RBFOX1: variants seen among roughly 807,000 people sequenced by gnomAD.
RBFOX1 encodes the protein RNA binding protein fox-1 homolog 1.
RBFOX1 carries 8 observed loss-of-function variants against 57.7 expected under a neutral mutation model. The observed-to-expected ratio is 0.14, with a 90% confidence interval of 0.08 to 0.25. RBFOX1 has a LOEUF of 0.25. Among genes scored for constraint, RBFOX1 ranks in the 10% least tolerant of loss-of-function variants. The pLI, the probability that RBFOX1 is intolerant of heterozygous loss-of-function variation, is 1.00. For missense variants in RBFOX1, 611 were observed against 548.5 expected, an observed-to-expected ratio of 1.11 and a Z score of -1.14; for synonymous variants, 326 against 222.4, an observed-to-expected ratio of 1.47 and a Z score of -4.15.
rs539862033 is a variant in RBFOX1, at chr16:6,893,099, C to G, written c.-15-158958C>G. 2.6e-5 allele frequency among the ~76,000 whole-genome samples: 4 copies of G among 152,128 alleles called. No homozygotes were observed. The South Asian group carries it at 8.3e-4, about 31-fold the overall frequency. On this transcript the variant is annotated intron_variant, in intron 3 of 15. Transcript: ENST00000550418. ...AGACTGCCCACCTCACCTGACCCTC[C>G]TAGATTCCATTCACAGGAGCTCACT...
At chr16:7,315,310 A>G (rs1182934273) in intron 4 of RBFOX1, among the ~76,000 whole-genome samples, 2 of 152,154 alleles carry the variant, frequency 1.3e-5, no homozygotes, top group African/African-American at 2.4e-5. Context: ...CTATGATAAA[A>G]TCTTGATTTT....
At chr16:6,343,159 C>T (rs1227167462) in intron 2 of RBFOX1, among the ~76,000 whole-genome samples, 1 of 152,158 alleles carries the variant, frequency 6.6e-6, no homozygotes, top group Non-Finnish European at 1.5e-5. Context: ...CTGTTCTTTT[C>T]ACAAAAGATA....
chr16:5,862,536 AG>A lies in RBFOX1; in HGVS notation c.319-4766del, dbSNP rs2057246967. 2.6e-5 allele frequency among the ~76,000 whole-genome samples: 4 copies of A among 152,334 alleles called. No individual in the cohort carries two copies. The East Asian group carries it at 7.7e-4, about 29-fold the overall frequency. Reference sequence around the variant, plus strand: ...AATGTCCAACCAGGGAATAGCAGACAGTCACCCACTGCGTGTCAGGGTTTTT... The same window carrying A: ...AATGTCCAACCAGGGAATAGCAGACATCACCCACTGCGTGTCAGGGTTTTT... On this transcript the variant is annotated intron_variant, in intron 3 of 19. Coordinates refer to the RBFOX1 transcript ENST00000641259.
At chr16:6,682,319 T>G (rs2058772870) in intron 3 of RBFOX1, among the ~76,000 whole-genome samples, 1 of 152,146 alleles carries the variant, frequency 6.6e-6, no homozygotes, top group African/African-American at 2.4e-5. Context: ...ATTTCCCAGC[T>G]GACCACTAGA....
chr16:6,493,009 A>G (rs972022701), intron 2 of RBFOX1, among the ~76,000 whole-genome samples: 1 of 152,180 alleles, frequency 6.6e-6, no homozygotes, highest in Non-Finnish European at 1.5e-5. Flanking sequence ...TGCTTTTAAG[A>G]TTACACCTTT....
intron 4 of RBFOX1, among the ~76,000 whole-genome samples, chr16:7,294,166 G>A (rs914010769): frequency 2.4e-4 from 36 of 152,064 alleles, no homozygotes; most frequent in African/African-American, 8.7e-4. Context: ...TCCCAAAGTA[G>A]ACCTTCCCAC....
At chr16:5,350,451 G>GT (rs2065237606) in intron 1 of RBFOX1, among the ~76,000 whole-genome samples, 1 of 152,172 alleles carries the variant, frequency 6.6e-6, no homozygotes, top group African/African-American at 2.4e-5. Flanking sequence ...CAGAGTGATG[G>GT]TTAACAGTGT....
intron 14 of RBFOX1, among the ~76,000 whole-genome samples, chr16:7,699,796 T>G (rs2080058963): frequency 1.3e-5 from 2 of 152,260 alleles, no homozygotes; most frequent in East Asian, 1.9e-4. Context: ...CTTGCATGTG[T>G]GGCTTTTATT....
At chr16:7,266,337 C>G (rs969583768) in intron 4 of RBFOX1, among the ~76,000 whole-genome samples, 42 of 152,258 alleles carry the variant, frequency 2.8e-4, no homozygotes, top group African/African-American at 9.4e-4. Flanking sequence ...CCTCTTGCTC[C>G]TGCTTTGGTC....
intron 1 of RBFOX1, among the ~76,000 whole-genome samples, chr16:5,432,845 G>A (rs955686543): frequency 5.5e-4 from 84 of 151,992 alleles, no homozygotes; most frequent in African/African-American, 2.0e-3. Flanking sequence ...GAGTGCAGTG[G>A]CGCAATCTCG....
intron 10 of RBFOX1, among the ~76,000 whole-genome samples, chr16:7,625,296 T>G (rs1039735849): frequency 3.9e-5 from 6 of 152,050 alleles, no homozygotes; most frequent in Non-Finnish European, 7.4e-5. Context: ...ATGGCGGGTA[T>G]TTGCATATCA....
intron 2 of RBFOX1, among the ~76,000 whole-genome samples, chr16:6,432,936 C>G (rs966956583): frequency 6.6e-6 from 1 of 152,176 alleles, no homozygotes. Flanking sequence ...CGAGATTGCA[C>G]CACTGCACTC....
chr16:7,026,874 G>T (rs9302836), intron 3 of RBFOX1, among the ~76,000 whole-genome samples: 1 of 152,156 alleles, frequency 6.6e-6, no homozygotes. Flanking sequence ...AGTTGCAAGG[G>T]AGGGCTTTGC....
intron 1 of RBFOX1, among the ~76,000 whole-genome samples, chr16:6,260,368 C>T (rs1260544128): frequency 6.6e-6 from 1 of 152,090 alleles, no homozygotes; most frequent in African/African-American, 2.4e-5. Context: ...CATCTGATTC[C>T]AGATGACACA....
At chr16:7,017,205 T>C (rs1422930267) in intron 3 of RBFOX1, among the ~76,000 whole-genome samples, 1 of 152,150 alleles carries the variant, frequency 6.6e-6, no homozygotes, top group Non-Finnish European at 1.5e-5. Context: ...GTTGGCGAAG[T>C]TTCCCTTCAG....
At chr16:7,656,529 A>C (rs1260972342) in intron 12 of RBFOX1, among the ~76,000 whole-genome samples, 1 of 146,870 alleles carries the variant, frequency 6.8e-6, no homozygotes, top group Non-Finnish European at 1.5e-5. Flanking sequence ...AGAGGTTAGA[A>C]ATACTTGTTT....
At chr16:7,434,269 A>G (rs954005617) in intron 4 of RBFOX1, among the ~76,000 whole-genome samples, 1 of 152,100 alleles carries the variant, frequency 6.6e-6, no homozygotes, top group Admixed American at 6.5e-5. Context: ...CAGAAGATCG[A>G]GACCATCCTG....
chr16:6,535,744 A>G (rs918576923), intron 2 of RBFOX1, among the ~76,000 whole-genome samples: 1 of 152,142 alleles, frequency 6.6e-6, no homozygotes, highest in Admixed American at 6.5e-5. Context: ...AGCCTCTTTC[A>G]TCTTTCTCTG....
chr16:7,567,835 A>G (rs919742883), intron 5 of RBFOX1, among the ~76,000 whole-genome samples: 1 of 148,862 alleles, frequency 6.7e-6, no homozygotes, highest in African/African-American at 2.5e-5. Context: ...ATATATCCCC[A>G]TATATATACC....
Sources: allele counts gnomAD v4.1 joint callset (sites outside exome capture counted in the v4.1 genomes callset), GRCh38; gene constraint gnomAD v4.1.1; transcripts MANE v1.5; gene names NCBI Gene and HGNC (gene_info 2026-07-23, HGNC 2026-07-21).